FIBIN: variants seen among roughly 807,000 people sequenced by gnomAD.
FIBIN encodes the protein fin bud initiation factor homolog.
Under a neutral mutation model 13.0 loss-of-function variants are expected in FIBIN, and 8 were observed. The ratio of observed to expected loss-of-function variants is 0.62; its 90% CI spans 0.36 to 1.11. The LOEUF (loss-of-function observed/expected upper bound fraction) is 1.11, where lower values mean the gene tolerates loss of function less well. FIBIN is among the 50% of genes most tolerant of loss of function. The pLI, the probability that FIBIN is intolerant of heterozygous loss-of-function variation, is 0.02. For missense variants in FIBIN, 261 were observed against 260.2 expected, an observed-to-expected ratio of 1.00 and a Z score of -0.02; for synonymous variants, 127 against 114.7, an observed-to-expected ratio of 1.11 and a Z score of -0.69.
In FIBIN at chr11:26,995,121, A is replaced by T. The variant is rs564302767; in HGVS notation, c.595A>T (p.Thr199Ser). The stretch of plus-strand genomic sequence containing the variant: ...GGCCCTCACCATTAGGAGCCATGGG[A>T]CCCGACTAGGTCGGCTGAAAAATGA... Reference protein sequence around the residue: ...LLALTIRSHGTRLGRLKNDYL... With the variant: ...LLALTIRSHGSRLGRLKNDYL... Residue 199 changes from threonine to serine, a missense_variant, in exon 1 of 1, where the codon ACC (threonine) becomes TCC (serine). Transcript: ENST00000318627. The T allele has an allele frequency of 1.4e-5, 23 of 1,611,932 alleles. No individual in the cohort carries two copies. In the East Asian group the frequency reaches 4.7e-4, roughly 33 times the overall value.
In FIBIN at chr11:26,994,145, A is replaced by G. The variant is rs1850894956; in HGVS notation, c.-382A>G. The G allele has an allele frequency of 2.1e-5, 4 of 187,336 alleles. No homozygotes were observed. Among genetic ancestry groups the G allele is most frequent in the Admixed American group, 1.8e-4 (3 of 16,364 alleles). 11.6% of individuals were successfully genotyped at this position (187,336 alleles called of 1,614,324 possible). On this transcript the variant is annotated 5_prime_UTR_variant, in exon 1 of 1. Transcript: ENST00000318627. ...CCAGTCCAGAAATTGAAATACTATC[A>G]GGGGGCAAGAGCCTTTCTCTCCAGC...
rs760059786 is a variant in FIBIN, at chr11:26,994,479, G to C, written c.-48G>C. On this transcript the variant is annotated 5_prime_UTR_variant, in exon 1 of 1. Coordinates refer to ENST00000318627, the MANE Select transcript of FIBIN (RefSeq NM_203371.2). ...CAAAGACACTCCCTTCCTTGTGCCT[G>C]GGTAAAAAGTCTCCTCCTGGGGTCC... 6.5e-7 allele frequency: 1 copy of C among 1,528,294 alleles called. No individual in the cohort carries two copies. The highest frequency in any genetic ancestry group is 1.4e-5 in the African/African-American group (1 of 72,398). 94.7% of individuals were successfully genotyped at this position (1,528,294 alleles called of 1,614,324 possible). A position where few individuals can be genotyped will look rare whatever the true frequency, so the allele number is the denominator to read the frequency against.
At position 26,994,731 on chromosome 11, in the gene FIBIN, G is replaced by A. The variant is rs1026568009; in HGVS notation, c.205G>A (p.Gly69Arg). The change falls in exon 1 of 1, where the codon GGG becomes AGG. Residue 69 changes from glycine (G) to arginine (R), a missense_variant. Physicochemically the swap from Gly to Arg is moderately radical, Grantham distance 125. Coordinates refer to ENST00000318627, the MANE Select transcript of FIBIN (RefSeq NM_203371.2). Reference protein sequence around the residue: ...SDHRRCSQGEGSQVGSLLSLT... With the variant: ...SDHRRCSQGERSQVGSLLSLT... ...CCACAGGCGCTGCTCCCAGGGGGAG[G>A]GGAGCCAGGTTGGCAGCCTGCTGAG... The A allele has an allele frequency of 1.9e-6, 3 of 1,613,656 alleles. No homozygotes were observed. In the South Asian group the frequency reaches 3.3e-5, roughly 18 times the overall value.
Position 26,994,540 on chromosome 11 carries a change from A to C in FIBIN, c.14A>C (p.Lys5Thr). The change falls in exon 1 of 1, where the codon AAG becomes ACG. Residue 5 changes from lysine to threonine, a missense_variant. By Grantham distance (78) the Lys-to-Thr change is moderately conservative (BLOSUM62 -1). Transcript: ENST00000318627. ...TGAATATCCAGAATGGTGTTTCTGAAGTTCTTCTGCATGAGTTTCTTCTGC... is the reference window on the plus strand; with the variant it reads ...TGAATATCCAGAATGGTGTTTCTGACGTTCTTCTGCATGAGTTTCTTCTGC... The part of the protein sequence containing the change: MVFL[K>T]FFCMSFFCHL... 1 of 1,604,396 alleles carries C rather than the reference A, an allele frequency of 6.2e-7. No homozygotes were observed. The highest frequency in any genetic ancestry group is 2.2e-5 in the East Asian group (1 of 44,628).
chr11:26,996,131 A>G lies in FIBIN; in HGVS notation c.*969A>G, dbSNP rs1168243983. The G allele has an allele frequency of 1.2e-5, 2 of 166,930 alleles. No individual in the cohort carries two copies. Among genetic ancestry groups the G allele is most frequent in the Non-Finnish European group, 2.9e-5 (2 of 68,118 alleles). 10.3% of individuals were successfully genotyped at this position (166,930 alleles called of 1,614,324 possible). A position where few individuals can be genotyped will look rare whatever the true frequency, so the allele number is the denominator to read the frequency against. On this transcript the variant is annotated 3_prime_UTR_variant, in exon 1 of 1. Transcript: ENST00000318627. ...ACATGTTTTCATGTAATACTGGCTT[A>G]CTTTGTAATTTACATCTGTAACTTT...
rs982890072 is a variant in FIBIN at position 26,996,182 on chromosome 11, A to G, written c.*1020A>G. 1 of 166,928 alleles carries G rather than the reference A, an allele frequency of 6.0e-6. No individual in the cohort carries two copies. Among genetic ancestry groups the G allele is most frequent in the Non-Finnish European group, 1.5e-5 (1 of 68,118 alleles). The allele number at this position is 166,928 out of a possible 1,614,324, so 10.3% of individuals were successfully genotyped here. A position where few individuals can be genotyped will look rare whatever the true frequency, so the allele number is the denominator to read the frequency against. Reference sequence around the variant, plus strand: ...CATATTTCTAAAAGGGGCCAATGCAAAAGGAGAGAGAAGGACTGGATTTAA... The same window carrying G: ...CATATTTCTAAAAGGGGCCAATGCAGAAGGAGAGAGAAGGACTGGATTTAA... On this transcript the variant is annotated 3_prime_UTR_variant, in exon 1 of 1. Transcript: ENST00000318627.
chr11:26,995,223 G>A lies in FIBIN; in HGVS notation c.*61G>A. ...ATCAGCCCCGTTTTGGAGGGTGGGG[G>A]ACAGAAGATGGGGCTACATTTCCCC... On this transcript the variant is annotated 3_prime_UTR_variant, in exon 1 of 1. Transcript: ENST00000318627. 3 of 1,490,144 alleles carry A rather than the reference G, an allele frequency of 2.0e-6. No individual in the cohort carries two copies. The highest frequency in any genetic ancestry group is 4.4e-5 in the Admixed American group (2 of 45,100). 92.3% of individuals were successfully genotyped at this position (1,490,144 alleles called of 1,614,324 possible).
chr11:26,995,369 T>C lies in FIBIN; in HGVS notation c.*207T>C, dbSNP rs1850916161. The C allele has an allele frequency of 4.0e-6, 2 of 504,988 alleles. No individual in the cohort carries two copies. The highest frequency in any genetic ancestry group is 8.2e-5 in the South Asian group (2 of 24,322). 31.3% of individuals were successfully genotyped at this position (504,988 alleles called of 1,614,324 possible). ...TTTTTAGTTTTGTTTTTGTACATTA[T>C]TTATGTGATTGTTATGGAATTGTCA... On this transcript the variant is annotated 3_prime_UTR_variant, in exon 1 of 1. Coordinates refer to ENST00000318627, the MANE Select transcript of FIBIN (RefSeq NM_203371.2).
In FIBIN at chr11:26,994,370, T is replaced by G; in HGVS notation, c.-157T>G. The G allele has an allele frequency of 1.5e-6, 1 of 666,766 alleles. No homozygotes were observed. The allele number at this position is 666,766 out of a possible 1,614,324, so 41.3% of individuals were successfully genotyped here. A position where few individuals can be genotyped will look rare whatever the true frequency, so the allele number is the denominator to read the frequency against. Reference sequence around the variant, plus strand: ...CCAGACGCTGGTGTGCAGAGCCACATGAAGCCTGCTGGGGACTGGGGGCCA... The same window carrying G: ...CCAGACGCTGGTGTGCAGAGCCACAGGAAGCCTGCTGGGGACTGGGGGCCA... On this transcript the variant is annotated 5_prime_UTR_variant, in exon 1 of 1. An upstream start codon of the reference 5' UTR is lost. Transcript: ENST00000318627.
chr11:26,995,090 G>A lies in FIBIN; in HGVS notation c.564G>A (p.Glu188=). The A allele has an allele frequency of 6.2e-7, 1 of 1,614,044 alleles. No homozygotes were observed. Among genetic ancestry groups the A allele is most frequent in the Non-Finnish European group, 8.5e-7 (1 of 1,179,988 alleles). Residue 188 remains glutamate (E), a synonymous_variant, in exon 1 of 1, where the codon GAG becomes GAA. Transcript: ENST00000318627. ...CTGTGGGGCTCAGGGACAAATACGA[G>A]CTGCTGGCCCTCACCATTAGGAGCC... ...DISVGLRDKY[E]LLALTIRSHG...
Position 26,994,288 on chromosome 11 carries a change from G to T in FIBIN, c.-239G>T. On this transcript the variant is annotated 5_prime_UTR_variant, in exon 1 of 1. Coordinates refer to ENST00000318627, the MANE Select transcript of FIBIN (RefSeq NM_203371.2). ...CTACGCCTGTGCCGGAGGAGTTCCAGTCACCGAGCGAGGGGCGCAAGGGTG... is the reference window on the plus strand; with the variant it reads ...CTACGCCTGTGCCGGAGGAGTTCCATTCACCGAGCGAGGGGCGCAAGGGTG... 1 of 454,066 alleles carries T rather than the reference G, an allele frequency of 2.2e-6. No individual in the cohort carries two copies. The allele number at this position is 454,066 out of a possible 1,614,324, so 28.1% of individuals were successfully genotyped here.
In FIBIN at chr11:26,996,732, ATCTT is replaced by A. The variant is rs1850933328; in HGVS notation, c.*1574_*1577del. The stretch of plus-strand genomic sequence containing the variant: ...TTTCCATTCCTATGAACTGTCTAAT[ATCTT>A]TCTATTACAGAAGGGGAAACTGAGG... On this transcript the variant is annotated 3_prime_UTR_variant, in exon 1 of 1. Coordinates refer to ENST00000318627, the MANE Select transcript of FIBIN (RefSeq NM_203371.2). Among the ~76,000 whole-genome samples the A allele has an allele frequency of 1.3e-5, 2 of 152,290 alleles. No individual in the cohort carries two copies. The highest frequency in any genetic ancestry group is 2.4e-5 in the African/African-American group (1 of 41,588).
Position 26,995,057 on chromosome 11 carries a change from G to A in FIBIN, c.531G>A (p.Leu177=), listed in dbSNP as rs1590142430. 4 of 1,614,128 alleles carry A rather than the reference G, an allele frequency of 2.5e-6. No individual in the cohort carries two copies. The East Asian group carries it at 6.7e-5, about 27-fold the overall frequency. ...VHTRSLLKET[L]DISVGLRDKY... ...CCAGGTCCCTGCTGAAGGAGACACT[G>A]GACATCTCTGTGGGGCTCAGGGACA... Residue 177 remains leucine, a synonymous_variant, in exon 1 of 1, where the codon CTG becomes CTA. Coordinates refer to ENST00000318627, the MANE Select transcript of FIBIN (RefSeq NM_203371.2).
chr11:26,995,052 A>G lies in FIBIN; in HGVS notation c.526A>G (p.Thr176Ala). 1 of 1,614,096 alleles carries G rather than the reference A, an allele frequency of 6.2e-7. No homozygotes were observed. Among genetic ancestry groups the G allele is most frequent in the South Asian group, 1.1e-5 (1 of 91,076 alleles). ...LVHTRSLLKE[T>A]LDISVGLRDK... is the part of the protein sequence containing the mutation. ...CCACACCAGGTCCCTGCTGAAGGAG[A>G]CACTGGACATCTCTGTGGGGCTCAG... The change falls in exon 1 of 1, where the codon ACA (threonine) becomes GCA (alanine). Residue 176 changes from threonine (T) to alanine (A), a missense_variant. By Grantham distance (58) the Thr-to-Ala change is moderately conservative (BLOSUM62 0). Coordinates refer to ENST00000318627, the MANE Select transcript of FIBIN (RefSeq NM_203371.2).
Position 26,994,212 on chromosome 11 carries a change from G to C in FIBIN, c.-315G>C, listed in dbSNP as rs1358220753. 1.6e-5 allele frequency: 5 copies of C among 312,060 alleles called. No individual in the cohort carries two copies. Among genetic ancestry groups the C allele is most frequent in the Non-Finnish European group, 2.3e-5 (4 of 170,504 alleles). 19.3% of individuals were successfully genotyped at this position (312,060 alleles called of 1,614,324 possible). On this transcript the variant is annotated 5_prime_UTR_variant, in exon 1 of 1. Transcript: ENST00000318627. ...CGGGAGCAAGGGGAAACTCCGAGAGGAGGGCAACAGAGCCAGCATCTTGCC... is the reference window on the plus strand; with the variant it reads ...CGGGAGCAAGGGGAAACTCCGAGAGCAGGGCAACAGAGCCAGCATCTTGCC...
Position 26,994,867 on chromosome 11 carries a change from G to A in FIBIN, c.341G>A (p.Ser114Asn), listed in dbSNP as rs1233388500. The A allele has an allele frequency of 3.8e-6, 6 of 1,598,998 alleles. No homozygotes were observed. The highest frequency in any genetic ancestry group is 5.1e-6 in the Non-Finnish European group (6 of 1,171,970). Residue 114 changes from serine (S) to asparagine (N), a missense_variant, in exon 1 of 1, where the codon AGC becomes AAC. Transcript: ENST00000318627. Reference sequence around the variant, plus strand: ...TCCTACGACCTAGACGGGGAAGAGAGCTATGGCAAGTACCTGCGGCGGGAG... The same window carrying A: ...TCCTACGACCTAGACGGGGAAGAGAACTATGGCAAGTACCTGCGGCGGGAG... ...SISYDLDGEE[S>N]YGKYLRRESH...
Position 26,994,732 on chromosome 11 carries a change from G to C in FIBIN, c.206G>C (p.Gly69Ala). Reference sequence around the variant, plus strand: ...CACAGGCGCTGCTCCCAGGGGGAGGGGAGCCAGGTTGGCAGCCTGCTGAGC... The same window carrying C: ...CACAGGCGCTGCTCCCAGGGGGAGGCGAGCCAGGTTGGCAGCCTGCTGAGC... ...SDHRRCSQGE[G>A]SQVGSLLSLT... The change falls in exon 1 of 1, where the codon GGG (glycine) becomes GCG (alanine). Residue 69 changes from glycine to alanine, a missense_variant. Gly to Ala is a moderately conservative substitution (Grantham distance 60). Coordinates refer to ENST00000318627, the MANE Select transcript of FIBIN (RefSeq NM_203371.2). 6.2e-7 allele frequency: 1 copy of C among 1,613,690 alleles called. No individual in the cohort carries two copies. Among genetic ancestry groups the C allele is most frequent in the East Asian group, 2.2e-5 (1 of 44,826 alleles).
At position 26,996,940 on chromosome 11, in the gene FIBIN, T is replaced by C. The variant is rs1213148301; in HGVS notation, c.*1778T>C. 6.6e-6 allele frequency among the ~76,000 whole-genome samples: 1 copy of C among 152,198 alleles called. No homozygotes were observed. Among genetic ancestry groups the C allele is most frequent in the Non-Finnish European group, 1.5e-5 (1 of 68,038 alleles). Reference sequence around the variant, plus strand: ...CTTAAAATCAATTATAACTTCTTTTTGTTACTCAGGGCCCCACTTTTTGTT... The same window carrying C: ...CTTAAAATCAATTATAACTTCTTTTCGTTACTCAGGGCCCCACTTTTTGTT... On this transcript the variant is annotated 3_prime_UTR_variant, in exon 1 of 1. Coordinates refer to ENST00000318627, the MANE Select transcript of FIBIN (RefSeq NM_203371.2).
Position 26,995,024 on chromosome 11 carries a change from GGTCCACACCA to G in FIBIN, c.500_509del (p.Val167GlyfsTer4). ...TCAACGAGGACTTTCTGGGAATGCTGGTCCACACCAGGTCCCTGCTGAAGGAGACACTGGA... is the reference window on the plus strand; with the variant it reads ...TCAACGAGGACTTTCTGGGAATGCTGGGTCCCTGCTGAAGGAGACACTGGA... On this transcript the variant is annotated frameshift_variant, in exon 1 of 1. Coordinates refer to ENST00000318627, the MANE Select transcript of FIBIN (RefSeq NM_203371.2). LOFTEE classifies it high-confidence loss of function. The G allele has an allele frequency of 6.2e-7, 1 of 1,614,054 alleles. No homozygotes were observed. Among genetic ancestry groups the G allele is most frequent in the Non-Finnish European group, 8.5e-7 (1 of 1,180,000 alleles).
Sources: gnomAD v4.1 joint callset for allele counts (sites outside exome capture counted in the v4.1 genomes callset) on GRCh38, gnomAD v4.1.1 for gene constraint, MANE v1.5 for transcripts, NCBI Gene and HGNC (gene_info 2026-07-23, HGNC 2026-07-21) for gene names.